The following PACS2 variants were observed in gnomAD, a reference collection of about 807,000 sequenced individuals.
PACS2 encodes the protein PACS1-like protein.
PACS2 carries 36 observed loss-of-function variants against 113.0 expected under a neutral mutation model. That is an observed-to-expected ratio of 0.32 (90% confidence interval 0.24 to 0.42). The LOEUF (loss-of-function observed/expected upper bound fraction) is 0.42. Among genes scored for constraint, PACS2 ranks in the 10% least tolerant of loss-of-function variants. PACS2 has a pLI of 1.00. For synonymous variants in PACS2, 589 were observed against 536.1 expected, an observed-to-expected ratio of 1.10 and a Z score of -1.36; for missense variants, 1,015 against 1,239.5, an observed-to-expected ratio of 0.82 and a Z score of 2.72.
chr14:105,312,507 G>A (rs1386174236), upstream of PACS2, among the ~76,000 whole-genome samples: 1 of 152,150 alleles, frequency 6.6e-6, no homozygotes, highest in African/African-American at 2.4e-5. Context: ...CCAAGTTCCT[G>A]CTTTAAAGAA....
chr14:105,378,135 G>C (rs2080851782), intron 9 of PACS2, among the ~76,000 whole-genome samples: 1 of 152,224 alleles, frequency 6.6e-6, no homozygotes, highest in African/African-American at 2.4e-5. Context: ...CATCTCTTCT[G>C]CCTTCAGCCG....
intron 12 of PACS2, among the ~76,000 whole-genome samples, chr14:105,381,566 T>G (rs1336396243): frequency 1.3e-5 from 2 of 152,220 alleles, no homozygotes; most frequent in Non-Finnish European, 2.9e-5. Flanking sequence ...CTCAGTGCCC[T>G]GCACTGGCCT....
At chr14:105,377,953 G>A (rs911405141) in intron 9 of PACS2, among the ~76,000 whole-genome samples, 1 of 152,230 alleles carries the variant, frequency 6.6e-6, no homozygotes, top group Non-Finnish European at 1.5e-5. Flanking sequence ...GTTCAGCTCC[G>A]TGTGGCTGCG....
intron 4 of PACS2, among the ~76,000 whole-genome samples, chr14:105,359,124 G>A (rs910523744): frequency 4.1e-4 from 63 of 151,832 alleles, no homozygotes; most frequent in African/African-American, 1.5e-3. Flanking sequence ...CCAGGCCTTC[G>A]CATCCACACA....
rs782353129 is a variant in PACS2 at position 105,382,458 on chromosome 14, C to T, written c.1414-19C>T. On this transcript the variant is annotated intron_variant, in intron 13 of 24. Coordinates refer to ENST00000447393, the MANE Select transcript of PACS2 (RefSeq NM_001100913.3). ...GCTGTGCTTCTCTTCTGGGTGTGGACAGGGCTCTGTGCCTCCAGATCCCCA... is the reference window on the plus strand; with the variant it reads ...GCTGTGCTTCTCTTCTGGGTGTGGATAGGGCTCTGTGCCTCCAGATCCCCA... 1.4e-6 allele frequency: 2 copies of T among 1,433,136 alleles called. No homozygotes were observed. Among genetic ancestry groups the T allele is most frequent in the Non-Finnish European group, 2.0e-6 (2 of 1,015,478 alleles). The allele number at this position is 1,433,136 out of a possible 1,614,324, so 88.8% of individuals were successfully genotyped here. A position where few individuals can be genotyped will look rare whatever the true frequency, so the allele number is the denominator to read the frequency against.
chr14:105,344,742 T>C (rs1346339119), intron 1 of PACS2, among the ~76,000 whole-genome samples: 1 of 152,212 alleles, frequency 6.6e-6, no homozygotes, highest in Non-Finnish European at 1.5e-5. Flanking sequence ...ATTTTCAGTT[T>C]AGTTGTTCCT....
intron 16 of PACS2, chr14:105,383,763 G>A: frequency 6.0e-6 from 3 of 496,172 alleles, no homozygotes; most frequent in Non-Finnish European, 1.1e-5. Flanking sequence ...CCCTAAAACA[G>A]CCATTTGGGT....
chr14:105,327,897 G>T (rs587605917), intron 1 of PACS2, among the ~76,000 whole-genome samples: 3 of 151,056 alleles, frequency 2.0e-5, no homozygotes, highest in African/African-American at 7.3e-5. Context: ...TGGCTCACCG[G>T]CCCAGGCCAC....
rs781160291 is a variant in PACS2 at position 105,345,597 on chromosome 14, A to G, written c.120-2896A>G. Among the ~76,000 whole-genome samples, 74 of 152,090 alleles carry G rather than the reference A, an allele frequency of 4.9e-4. 1 individual carries two copies. The highest frequency in any genetic ancestry group is 7.9e-4 in the Admixed American group (12 of 15,276). On this transcript the variant is annotated intron_variant, in intron 1 of 24. Coordinates refer to ENST00000447393, the MANE Select transcript of PACS2 (RefSeq NM_001100913.3). ...TCCTTTGAGACTTCCTTTGATCCAT[A>G]GGTTTTTGTTTTTTAGTTTCCCAAG...
chr14:105,394,498 G>A, intron 24 of PACS2, 56 bp from the exon 25 acceptor site: 4 of 1,601,478 alleles, frequency 2.5e-6, no homozygotes, highest in Non-Finnish European at 3.4e-6. Flanking sequence ...CAGGCAGGTG[G>A]ATAGGGTGGG....
rs587736623 is a variant in PACS2 at position 105,362,391 on chromosome 14, T to C, written c.424-4822T>C. 1.1e-3 allele frequency among the ~76,000 whole-genome samples: 156 copies of C among 138,656 alleles called. 2 individuals carry two copies. The highest frequency in any genetic ancestry group is 2.0e-3 in the Non-Finnish European group (130 of 66,456). 91.0% of individuals were successfully genotyped at this position (138,656 alleles called of 152,430 possible). A position where few individuals can be genotyped will look rare whatever the true frequency, so the allele number is the denominator to read the frequency against. ...GAGATCGCGCCACTGCACTCCAGCC[T>C]GGGCGACAGAGCGAGACTCCGTCTC... On this transcript the variant is annotated intron_variant, in intron 4 of 24. Transcript: ENST00000447393.
At chr14:105,370,003 G>A (rs1042488534) in intron 8 of PACS2, 103 bp downstream of exon 8, 41 of 1,014,472 alleles carry the variant, frequency 4.0e-5, no homozygotes, top group East Asian at 1.6e-4. Flanking sequence ...TGGTTCTGCC[G>A]CTCACCGTCT....
At chr14:105,364,838 G>C (rs2060888179) in intron 4 of PACS2, among the ~76,000 whole-genome samples, 1 of 151,714 alleles carries the variant, frequency 6.6e-6, no homozygotes, top group African/African-American at 2.4e-5. Flanking sequence ...TGGGACTACA[G>C]GTGCGCACCA....
At chr14:105,308,947 C>G (rs2058270112) in intron 1 of PACS2, among the ~76,000 whole-genome samples, 1 of 151,798 alleles carries the variant, frequency 6.6e-6, no homozygotes, top group Non-Finnish European at 1.5e-5. Context: ...GCACTCCAGC[C>G]TGGTTGACAG....
intron 1 of PACS2, among the ~76,000 whole-genome samples, chr14:105,306,615 GTTTT>G (rs930977513): frequency 6.7e-6 from 1 of 149,284 alleles, no homozygotes. Flanking sequence ...TTTTTTGGGG[GTTTT>G]TTTTGAGACT....
intron 1 of PACS2, among the ~76,000 whole-genome samples, chr14:105,337,045 G>T (rs1214811251): frequency 1.3e-5 from 2 of 152,112 alleles, no homozygotes; most frequent in African/African-American, 4.8e-5. Flanking sequence ...AGCATCACTG[G>T]GCCCTCGGTC....
Position 105,384,859 on chromosome 14 carries a change from A to T in PACS2, c.1892-20A>T. On this transcript the variant is annotated intron_variant, in intron 17 of 24. Coordinates refer to ENST00000447393, the MANE Select transcript of PACS2 (RefSeq NM_001100913.3). ...CCACCTGGCACCAGCCTAACCCCCC[A>T]CCGCCTCCTCCCCCTGCAGTACAGG... is the stretch of plus-strand genomic sequence containing the variant. 7.2e-7 allele frequency: 1 copy of T among 1,392,828 alleles called. No homozygotes were observed. Among genetic ancestry groups the T allele is most frequent in the Non-Finnish European group, 1.0e-6 (1 of 1,000,980 alleles). 86.3% of individuals were successfully genotyped at this position (1,392,828 alleles called of 1,614,324 possible).
chr14:105,387,761 G>A (rs1042501386), intron 19 of PACS2, among the ~76,000 whole-genome samples: 2 of 152,240 alleles, frequency 1.3e-5, no homozygotes. Flanking sequence ...ATGGATGGGA[G>A]GCCAGCCTGC....
chr14:105,342,389 T>C (rs587771107), intron 1 of PACS2, among the ~76,000 whole-genome samples: 42 of 152,056 alleles, frequency 2.8e-4, no homozygotes, highest in African/African-American at 9.9e-4. Flanking sequence ...CACCTCAGCC[T>C]CCCAAGTAGC....
Sources: allele counts gnomAD v4.1 joint callset (sites outside exome capture counted in the v4.1 genomes callset), GRCh38; gene constraint gnomAD v4.1.1; transcripts MANE v1.5; gene names NCBI Gene and HGNC (gene_info 2026-07-23, HGNC 2026-07-21).